Variants in PSMD2 observed in about 807,000 individuals in gnomAD.
The protein encoded by PSMD2 is proteasome 26S subunit ubiquitin receptor, non-ATPase 2, also known as 26S proteasome non-ATPase regulatory subunit 2.
In PSMD2, 8 loss-of-function variants were observed where a neutral mutation model predicts 101.5. The observed-to-expected ratio is 0.08, with a 90% CI of 0.05 to 0.14. PSMD2 has a LOEUF of 0.14. Among genes scored for constraint, PSMD2 ranks in the 10% least tolerant of loss-of-function variants. The pLI, the probability that PSMD2 is intolerant of heterozygous loss-of-function variation, is 1.00. For synonymous variants in PSMD2, 418 were observed against 433.8 expected, an observed-to-expected ratio of 0.96 and a Z score of 0.45; for missense variants, 784 against 1,147.4, an observed-to-expected ratio of 0.68 and a Z score of 4.58.
Position 184,308,409 on chromosome 3 carries a change from T to C in PSMD2, c.2426-40T>C. 6.6e-7 allele frequency: 1 copy of C among 1,521,996 alleles called. No homozygotes were observed. The highest frequency in any genetic ancestry group is 9.0e-7 in the Non-Finnish European group (1 of 1,110,110). 94.3% of individuals were successfully genotyped at this position (1,521,996 alleles called of 1,614,324 possible). ...CTCAATGTTTCTGGCCAGGCCTGTC[T>C]TTTTGTCTCTTAACTTTTTGTCCTG... On this transcript the variant is annotated intron_variant, in intron 19 of 20. Transcript: ENST00000310118. This position sits in a 1 kb window ranked among gnomAD's most constrained non-coding sequence, Gnocchi z 6.0.
chr3:184,299,916 C>T lies in PSMD2; in HGVS notation c.192+9C>T, dbSNP rs762433086. The T allele has an allele frequency of 5.0e-6, 8 of 1,611,686 alleles. No homozygotes were observed. In the South Asian group the frequency reaches 7.7e-5, roughly 15 times the overall value. The stretch of plus-strand genomic sequence containing the variant: ...TCGTGGAACGACTAGGGGTGAGTCA[C>T]GATGTTAACATGATTCGGTGCATGT... On this transcript the variant is annotated intron_variant, in intron 2 of 20. Transcript: ENST00000310118.
rs577889945 is a variant in PSMD2, at chr3:184,308,370, C to T, written c.2426-79C>T. The stretch of plus-strand genomic sequence containing the variant: ...TATGACTGACGGGTTAAAGGGTCAG[C>T]GCTGAGGTGGGCTCTCAATGTTTCT... On this transcript the variant is annotated intron_variant, in intron 19 of 20. Transcript: ENST00000310118. This position sits in a 1 kb window ranked among gnomAD's most constrained non-coding sequence, Gnocchi z 6.0. The T allele has an allele frequency of 1.1e-4, 126 of 1,169,446 alleles. No individual in the cohort carries two copies. Among genetic ancestry groups the T allele is most frequent in the Non-Finnish European group, 1.3e-4 (105 of 810,692 alleles). The allele number at this position is 1,169,446 out of a possible 1,614,324, so 72.4% of individuals were successfully genotyped here. A position where few individuals can be genotyped will look rare whatever the true frequency, so the allele number is the denominator to read the frequency against.
At position 184,305,915 on chromosome 3, in the gene PSMD2, G is replaced by A; in HGVS notation, c.1687G>A (p.Gly563Ser). ...TYARWLPLGLGLNHLGKGEAI... is the reference protein window; with the variant it reads ...TYARWLPLGLSLNHLGKGEAI... ...TGCTCGTTGGCTTCCTCTTGGACTGGGTCTCAACCACCTGGGTGAGGGGAT... is the reference window on the plus strand; with the variant it reads ...TGCTCGTTGGCTTCCTCTTGGACTGAGTCTCAACCACCTGGGTGAGGGGAT... The change falls in exon 13 of 21, where the codon GGT (glycine) becomes AGT (serine). Residue 563 changes from glycine (G) to serine (S), a missense_variant. Physicochemically the swap from Gly to Ser is moderately conservative, Grantham distance 56. This residue lies in a region of PSMD2 where 282 missense variants were observed against 437.6 expected (regional missense o/e 0.64). Coordinates refer to ENST00000310118, the MANE Select transcript of PSMD2 (RefSeq NM_002808.5). The A allele has an allele frequency of 6.2e-7, 1 of 1,614,086 alleles. No homozygotes were observed. Among genetic ancestry groups the A allele is most frequent in the Non-Finnish European group, 8.5e-7 (1 of 1,180,018 alleles).
chr3:184,299,497 G>T lies in PSMD2; in HGVS notation c.135+96G>T, dbSNP rs1721571316. ...GCCCGACACCCAACTACCCCACCGC[G>T]CCAGGGAGAGGGCGGTTGGGGCGAC... On this transcript the variant is annotated intron_variant, in intron 1 of 20. Transcript: ENST00000310118. 4.6e-6 allele frequency: 6 copies of T among 1,301,192 alleles called. No individual in the cohort carries two copies. In the East Asian group the frequency reaches 1.8e-4, roughly 39 times the overall value. 80.6% of individuals were successfully genotyped at this position (1,301,192 alleles called of 1,614,324 possible). A position where few individuals can be genotyped will look rare whatever the true frequency, so the allele number is the denominator to read the frequency against.
intron 8 of PSMD2, 93 bp downstream of exon 8, chr3:184,303,155 G>A (rs112624706): frequency 2.0e-5 from 30 of 1,514,032 alleles, no homozygotes; most frequent in African/African-American, 9.6e-5. Flanking sequence ...TTATCCTATC[G>A]AGCTCAGAAT....
At chr3:184,302,181 T>C in intron 5 of PSMD2, 110 bp downstream of exon 5, 1 of 1,284,742 alleles carries the variant, frequency 7.8e-7, no homozygotes, top group East Asian at 2.4e-5. Context: ...AGCATCACGC[T>C]GTAGTTAATC....
chr3:184,307,707 A>C lies in PSMD2; in HGVS notation c.2297A>C (p.Gln766Pro). 1 of 1,613,974 alleles carries C rather than the reference A, an allele frequency of 6.2e-7. No individual in the cohort carries two copies. Among genetic ancestry groups the C allele is most frequent in the Non-Finnish European group, 8.5e-7 (1 of 1,179,824 alleles). Residue 766 changes from glutamine to proline, a missense_variant and splice_region_variant, in exon 18 of 21, where the codon CAG becomes CCG. By Grantham distance (76) the Gln-to-Pro change is moderately conservative (BLOSUM62 -1). Coordinates refer to ENST00000310118, the MANE Select transcript of PSMD2 (RefSeq NM_002808.5). ...PNNLFMVRLA[Q>P]GLTHLGKGTL... is the part of the protein sequence containing the mutation. ...AACCTCTTCATGGTGCGCTTGGCAC[A>C]GGTAAAGAATAGAACTCCTCCACAG...
rs373076241 is a variant in PSMD2, at chr3:184,307,477, C to T, written c.2155C>T (p.Pro719Ser). 6.2e-6 allele frequency: 10 copies of T among 1,614,098 alleles called. No individual in the cohort carries two copies. The highest frequency in any genetic ancestry group is 3.3e-4 in the Middle Eastern group (2 of 6,084). ...AAGCAAATTCTCTCATGATGCTGAT[C>T]CAGAAGTTTCCTATAACTCCATTTT... ...TLSKFSHDAD[P>S]EVSYNSIFAM... Residue 719 changes from proline to serine, a missense_variant, in exon 17 of 21, where the codon CCA becomes TCA. Around this residue, in one of 6 missense-constraint regions of PSMD2, gnomAD observed 282 missense variants for 437.6 expected, o/e 0.64. Transcript: ENST00000310118.
Position 184,306,548 on chromosome 3 carries a change from A to T in PSMD2, c.1950+53A>T, listed in dbSNP as rs150455704. 1,484 of 1,581,096 alleles carry T rather than the reference A, an allele frequency of 9.4e-4. 18 individuals carry two copies. In the East Asian group the frequency reaches 0.015, roughly 16 times the overall value. ...AGAGGCTGTGAGAAGAGATAAGCAT[A>T]TAGGGGAGGCTGGGTTTGGTTTTTG... On this transcript the variant is annotated intron_variant, in intron 15 of 20. Coordinates refer to ENST00000310118, the MANE Select transcript of PSMD2 (RefSeq NM_002808.5).
Position 184,307,494 on chromosome 3 carries a change from C to T in PSMD2, c.2172C>T (p.Asn724=). 1.2e-6 allele frequency: 2 copies of T among 1,614,240 alleles called. No individual in the cohort carries two copies. Among genetic ancestry groups the T allele is most frequent in the Non-Finnish European group, 1.7e-6 (2 of 1,180,056 alleles). The change falls in exon 17 of 21, where the codon AAC becomes AAT. Residue 724 remains asparagine (N), a synonymous_variant. Coordinates refer to ENST00000310118, the MANE Select transcript of PSMD2 (RefSeq NM_002808.5). ...SHDADPEVSY[N]SIFAMGMVGS... The stretch of plus-strand genomic sequence containing the variant: ...ATGCTGATCCAGAAGTTTCCTATAA[C>T]TCCATTTTTGCCATGGGCATGGTGG...
In PSMD2 at chr3:184,304,503, C is replaced by T; in HGVS notation, c.1539+112C>T. The stretch of plus-strand genomic sequence containing the variant: ...GTGTGTGCATGTGTGCATACATGTA[C>T]ATGCCTGTTGGTGTGTATTGAGGGG... On this transcript the variant is annotated intron_variant, in intron 12 of 20. Transcript: ENST00000310118. The surrounding 1 kb of genome is among the most constrained non-coding windows in gnomAD (Gnocchi z 4.1). 3 of 1,099,480 alleles carry T rather than the reference C, an allele frequency of 2.7e-6. No individual in the cohort carries two copies. The highest frequency in any genetic ancestry group is 1.8e-5 in the Admixed American group (1 of 56,412). The allele number at this position is 1,099,480 out of a possible 1,614,324, so 68.1% of individuals were successfully genotyped here.
chr3:184,303,193 T>G (rs144791656), intron 8 of PSMD2, 127 bp from the exon 9 acceptor site: 2 of 1,497,704 alleles, frequency 1.3e-6, no homozygotes, highest in Non-Finnish European at 1.8e-6. Flanking sequence ...AGGTCACTGC[T>G]TGGGGGGGTA....
rs1452464240 is a variant in PSMD2 at position 184,307,432 on chromosome 3, C to G, written c.2110C>G (p.Leu704Val). The change falls in exon 17 of 21, where the codon CTC (leucine) becomes GTC (valine). Residue 704 changes from leucine to valine, a missense_variant. Physicochemically the swap from Leu to Val is conservative, Grantham distance 32 (BLOSUM62 1). Coordinates refer to ENST00000310118, the MANE Select transcript of PSMD2 (RefSeq NM_002808.5). ...CCTCATCTCTGTTTCAAATCCACGACTCAACATCCTGGATACCCTAAGCAA... is the reference window on the plus strand; with the variant it reads ...CCTCATCTCTGTTTCAAATCCACGAGTCAACATCCTGGATACCCTAAGCAA... The part of the protein sequence containing the change: ...LALISVSNPR[L>V]NILDTLSKFS... The G allele has an allele frequency of 6.2e-7, 1 of 1,614,022 alleles. No individual in the cohort carries two copies. The highest frequency in any genetic ancestry group is 1.3e-5 in the African/African-American group (1 of 74,936).
intron 12 of PSMD2, 72 bp from the exon 13 acceptor site, chr3:184,305,696 T>G (rs1721808084): frequency 7.2e-7 from 1 of 1,387,114 alleles, no homozygotes. Flanking sequence ...ACTGTAGGAA[T>G]AGGCTATCTT....
chr3:184,303,405 T>C lies in PSMD2; in HGVS notation c.1155T>C (p.Phe385=), dbSNP rs146339706. The C allele has an allele frequency of 4.2e-4, 673 of 1,614,202 alleles. 15 individuals are homozygous for C. In the Admixed American group the frequency reaches 0.011, roughly 26 times the overall value. The change falls in exon 9 of 21, where the codon TTT becomes TTC. Residue 385 remains phenylalanine (F), a synonymous_variant. Coordinates refer to ENST00000310118, the MANE Select transcript of PSMD2 (RefSeq NM_002808.5). ...SFVNGFVNAA[F]GQDKLLTDDG... ...TGAATGGCTTTGTGAATGCAGCTTTTGGCCAAGACAAGCTGCTAACAGATG... is the reference window on the plus strand; with the variant it reads ...TGAATGGCTTTGTGAATGCAGCTTTCGGCCAAGACAAGCTGCTAACAGATG...
intron 13 of PSMD2, 52 bp from the exon 14 acceptor site, chr3:184,306,002 G>A: frequency 3.1e-6 from 5 of 1,613,506 alleles, no homozygotes; most frequent in Non-Finnish European, 3.4e-6. Flanking sequence ...TATGTGTCAG[G>A]CTGTGCTGGA....
rs79397359 is a variant in PSMD2, at chr3:184,302,875, A to C, written c.1008+52A>C. 3.5e-4 allele frequency: 565 copies of C among 1,612,558 alleles called. 5 individuals are homozygous for C. The East Asian group carries it at 0.012, about 35-fold the overall frequency. ...CCTTTTCGTCATAATTCTACCTGCC[A>C]TTTCACCTCCCTGACTCTACCTCTG... On this transcript the variant is annotated intron_variant, in intron 7 of 20. Transcript: ENST00000310118.
chr3:184,299,843 C>T lies in PSMD2; in HGVS notation c.136-8C>T, dbSNP rs745950989. On this transcript the variant is annotated splice_polypyrimidine_tract_variant and splice_region_variant and intron_variant, in intron 1 of 20. Coordinates refer to ENST00000310118, the MANE Select transcript of PSMD2 (RefSeq NM_002808.5). The stretch of plus-strand genomic sequence containing the variant: ...TCTCTTCATGAGCTGCTTCTCCCAA[C>T]CCTCCAGTCTGAAGAGGATAAACAG... The T allele has an allele frequency of 2.2e-5, 35 of 1,611,560 alleles. No homozygotes were observed. Among genetic ancestry groups the T allele is most frequent in the African/African-American group, 2.1e-4 (16 of 74,864 alleles).
rs890193912 is a variant in PSMD2, at chr3:184,304,837, C to T, written c.1539+446C>T. Among the ~76,000 whole-genome samples the T allele has an allele frequency of 2.6e-5, 4 of 152,060 alleles. No homozygotes were observed. Among genetic ancestry groups the T allele is most frequent in the African/African-American group, 9.7e-5 (4 of 41,390 alleles). ...ACCCAGAGGTGGAGGTTGCAGTGAG[C>T]TGAGATCGCGCCACTGCACTCCAGT... On this transcript the variant is annotated intron_variant, in intron 12 of 20. Coordinates refer to ENST00000310118, the MANE Select transcript of PSMD2 (RefSeq NM_002808.5). The surrounding 1 kb of genome is among the most constrained non-coding windows in gnomAD (Gnocchi z 4.1).
Sources: gnomAD v4.1 joint callset for allele counts (sites outside exome capture counted in the v4.1 genomes callset) on GRCh38, gnomAD v4.1.1 for gene constraint, gnomAD v4.1.1 regional missense constraint, Gnocchi (gnomAD v3.1) non-coding constraint, MANE v1.5 for transcripts, NCBI Gene and HGNC (gene_info 2026-07-23, HGNC 2026-07-21) for gene names.